Variants in SH3RF3 observed in about 807,000 individuals in gnomAD.
SH3RF3 encodes E3 ubiquitin-protein ligase SH3RF3.
A neutral mutation model predicts 66.3 loss-of-function variants in SH3RF3; 29 were observed. The ratio of observed to expected loss-of-function variants is 0.44; its 90% CI spans 0.33 to 0.60. SH3RF3 has a LOEUF of 0.60. Ranked by LOEUF, SH3RF3 falls within the 20% of genes least tolerant of loss-of-function variation. SH3RF3 has a pLI of 0.04. For missense variants in SH3RF3, 1,194 were observed against 1,190.9 expected, an observed-to-expected ratio of 1.00 and a Z score of -0.04; for synonymous variants, 583 against 532.0, an observed-to-expected ratio of 1.10 and a Z score of -1.32.
intron 1 of SH3RF3, among the ~76,000 whole-genome samples, chr2:109,261,015 T>G (rs1053016822): frequency 6.6e-6 from 1 of 152,120 alleles, no homozygotes. Context: ...TCCCTCCCTT[T>G]AGAGGGCACT....
chr2:109,497,572 G>A (rs1202710186), intron 9 of SH3RF3, among the ~76,000 whole-genome samples: 1 of 152,198 alleles, frequency 6.6e-6, no homozygotes, highest in Admixed American at 6.5e-5. Flanking sequence ...GCACAGTTGT[G>A]ACCTGGGAGT....
intron 1 of SH3RF3, among the ~76,000 whole-genome samples, chr2:109,150,133 G>A (rs944877337): frequency 1.3e-5 from 2 of 152,184 alleles, no homozygotes; most frequent in Admixed American, 6.5e-5. Context: ...AAAAGGTGGT[G>A]TAGAGGAAGT....
At chr2:109,348,157 G>A (rs1394171712) in intron 2 of SH3RF3, among the ~76,000 whole-genome samples, 2 of 152,200 alleles carry the variant, frequency 1.3e-5, no homozygotes, top group Non-Finnish European at 2.9e-5. Flanking sequence ...GCTATGGAGG[G>A]CACCAGCTTG....
rs114324582 is a variant in SH3RF3 at position 109,322,801 on chromosome 2, G to A, written c.574-24873G>A. ...AACCCTTCTCCAACTCAGAAATCAG[G>A]CTTCTGGTGCCTGCAAATCTCCCCA... On this transcript the variant is annotated intron_variant, in intron 1 of 9. Transcript: ENST00000309415. 6.2e-3 allele frequency among the ~76,000 whole-genome samples: 949 copies of A among 152,276 alleles called. 10 individuals are homozygous for A. The highest frequency in any genetic ancestry group is 0.022 in the African/African-American group (925 of 41,526).
intron 6 of SH3RF3, among the ~76,000 whole-genome samples, chr2:109,435,824 G>A (rs1360931329): frequency 1.3e-5 from 2 of 152,218 alleles, no homozygotes; most frequent in Non-Finnish European, 2.9e-5. Flanking sequence ...ATAGAAAATG[G>A]GATTTTTAAA....
intron 4 of SH3RF3, among the ~76,000 whole-genome samples, chr2:109,405,770 C>T (rs1164309027): frequency 6.6e-6 from 1 of 152,220 alleles, no homozygotes; most frequent in African/African-American, 2.4e-5. Flanking sequence ...CCAGTGTGCC[C>T]ATGATGGAAT....
intron 8 of SH3RF3, among the ~76,000 whole-genome samples, chr2:109,461,287 T>C (rs957710243): frequency 6.6e-6 from 1 of 152,224 alleles, no homozygotes; most frequent in Admixed American, 6.5e-5. Context: ...GCATTTAGTC[T>C]CTACCAAGGC....
At chr2:109,397,433 C>A (rs1180771829) in intron 3 of SH3RF3, among the ~76,000 whole-genome samples, 1 of 152,206 alleles carries the variant, frequency 6.6e-6, no homozygotes, top group African/African-American at 2.4e-5. Context: ...TTCCCAGCCA[C>A]CTCTGTGTAC....
chr2:109,261,113 C>T (rs1680344055), intron 1 of SH3RF3, among the ~76,000 whole-genome samples: 1 of 152,162 alleles, frequency 6.6e-6, no homozygotes, highest in Admixed American at 6.5e-5. Flanking sequence ...CCAATGGGGG[C>T]CCAACAGCCA....
At chr2:109,297,061 C>T (rs898531708) in intron 1 of SH3RF3, among the ~76,000 whole-genome samples, 1 of 151,986 alleles carries the variant, frequency 6.6e-6, no homozygotes, top group Non-Finnish European at 1.5e-5. Flanking sequence ...GCCAACTAGA[C>T]TGCAGCTGTT....
At chr2:109,271,963 A>T (rs1424748265) in intron 1 of SH3RF3, among the ~76,000 whole-genome samples, 2 of 152,196 alleles carry the variant, frequency 1.3e-5, no homozygotes, top group African/African-American at 4.8e-5. Context: ...CAACATGGTG[A>T]TGGATAATTT....
At chr2:109,258,488 C>T (rs1354155668) in intron 1 of SH3RF3, among the ~76,000 whole-genome samples, 2 of 152,182 alleles carry the variant, frequency 1.3e-5, no homozygotes, top group East Asian at 1.9e-4. Flanking sequence ...CTACCAGGGC[C>T]AATCCAATCA....
intron 1 of SH3RF3, among the ~76,000 whole-genome samples, chr2:109,338,496 C>A (rs1574582212): frequency 6.6e-6 from 1 of 152,108 alleles, no homozygotes; most frequent in African/African-American, 2.4e-5. Context: ...TTACACTTGA[C>A]CCTTGAACAA....
At chr2:109,374,195 A>G (rs1304254500) in intron 3 of SH3RF3, among the ~76,000 whole-genome samples, 3 of 152,040 alleles carry the variant, frequency 2.0e-5, no homozygotes, top group Non-Finnish European at 1.5e-5. Flanking sequence ...ACTGTCCTTC[A>G]GGCTCAGAGA....
rs895563755 is a variant in SH3RF3, at chr2:109,504,301, A to G, written c.*2630A>G. ...AGATTTCCTTTGAGGAGCATGGTAG[A>G]GTCCACAGCCATGGCTGAAGTCAGT... On this transcript the variant is annotated 3_prime_UTR_variant, in exon 10 of 10. Coordinates refer to ENST00000309415, the MANE Select transcript of SH3RF3 (RefSeq NM_001099289.3). 6.6e-6 allele frequency: 1 copy of G among 152,242 alleles called. No individual in the cohort carries two copies. The highest frequency in any genetic ancestry group is 2.4e-5 in the African/African-American group (1 of 41,460). The allele number at this position is 152,242 out of a possible 1,614,324, so 9.4% of individuals were successfully genotyped here.
intron 3 of SH3RF3, among the ~76,000 whole-genome samples, chr2:109,386,086 A>G (rs944161693): frequency 1.6e-4 from 25 of 152,318 alleles, no homozygotes; most frequent in Non-Finnish European, 2.5e-4. Flanking sequence ...TCTCAAAAGA[A>G]TGTAGATTGG....
At chr2:109,326,303 GA>G (rs1344694125) in intron 1 of SH3RF3, among the ~76,000 whole-genome samples, 2 of 152,082 alleles carry the variant, frequency 1.3e-5, no homozygotes, top group African/African-American at 2.4e-5. Context: ...TCATGGATCT[GA>G]GTATATCATA....
chr2:109,306,841 A>G (rs529931660), intron 1 of SH3RF3, among the ~76,000 whole-genome samples: 1 of 152,344 alleles, frequency 6.6e-6, no homozygotes, highest in African/African-American at 2.4e-5. Flanking sequence ...GTCGACGTGT[A>G]TGTTGAGTAA....
chr2:109,442,970 C>T (rs536086602), intron 7 of SH3RF3, among the ~76,000 whole-genome samples: 1 of 152,300 alleles, frequency 6.6e-6, no homozygotes, highest in African/African-American at 2.4e-5. Context: ...AAGAAACATA[C>T]TTTAATACTT....
Sources: allele counts gnomAD v4.1 joint callset (sites outside exome capture counted in the v4.1 genomes callset), GRCh38; gene constraint gnomAD v4.1.1; transcripts MANE v1.5; gene names NCBI Gene and HGNC (gene_info 2026-07-23, HGNC 2026-07-21).